NRXN3: variants seen among roughly 807,000 people sequenced by gnomAD.
The protein encoded by NRXN3 is neurexin 3, also known as neurexin III.
Under a neutral mutation model 137.6 loss-of-function variants are expected in NRXN3, and 32 were observed. The observed-to-expected ratio is 0.23, with a 90% confidence interval of 0.18 to 0.31. The LOEUF (loss-of-function observed/expected upper bound fraction) is 0.31. Ranked by LOEUF, NRXN3 falls within the 10% of genes least tolerant of loss-of-function variation. The pLI, the probability that NRXN3 is intolerant of heterozygous loss-of-function variation, is 1.00. For synonymous variants in NRXN3, 798 were observed against 784.5 expected (o/e 1.02, Z -0.29); for missense variants, 1,574 against 2,062.5 (o/e 0.76, Z 4.59).
chr14:79,630,699 A>C (rs192213878), intron 16 of NRXN3, among the ~76,000 whole-genome samples: 5 of 152,240 alleles, frequency 3.3e-5, no homozygotes, highest in Admixed American at 3.3e-4. Context: ...TGCATCATCC[A>C]CTGATTCTCA....
rs2099416564 is a variant in NRXN3 at position 79,863,938 on chromosome 14, C to CT, written c.*1977dup. The CT allele has an allele frequency of 6.6e-6, 1 of 152,402 alleles. No individual in the cohort carries two copies. The highest frequency in any genetic ancestry group is 2.1e-4 in the South Asian group (1 of 4,824). The allele number at this position is 152,402 out of a possible 1,614,324, so 9.4% of individuals were successfully genotyped here. A position where few individuals can be genotyped will look rare whatever the true frequency, so the allele number is the denominator to read the frequency against. On this transcript the variant is annotated 3_prime_UTR_variant, in exon 21 of 21. Transcript: ENST00000335750. ...CAAAAAGTGCAATCTAAATGGTAGC[C>CT]TTTACTAATGTGTGTGGAAAGAGGT... is the stretch of plus-strand genomic sequence containing the variant.
chr14:79,828,157 T>C (rs1030552500), intron 20 of NRXN3, among the ~76,000 whole-genome samples: 3 of 152,098 alleles, frequency 2.0e-5, no homozygotes, highest in Admixed American at 2.0e-4. Flanking sequence ...TTCCAAACTA[T>C]ATCAGGAATT....
chr14:78,819,174 T>C (rs905452481), intron 10 of NRXN3, among the ~76,000 whole-genome samples: 1 of 152,128 alleles, frequency 6.6e-6, no homozygotes, highest in Non-Finnish European at 1.5e-5. Flanking sequence ...ACTATTTCTG[T>C]TTTCCTTCTA....
chr14:79,307,762 CTCTT>C lies in NRXN3; in HGVS notation c.3263-159455_3263-159452del, dbSNP rs373140712. On this transcript the variant is annotated intron_variant, in intron 15 of 20. Transcript: ENST00000335750. ...CTTCACATGAGGTTTCATTTCACCT[CTCTT>C]TCTCTCTCTCTCTCTTTCTCTCTTT... Among the ~76,000 whole-genome samples, 26 of 152,164 alleles carry C rather than the reference CTCTT, an allele frequency of 1.7e-4. No individual in the cohort carries two copies. In the East Asian group the frequency reaches 4.8e-3, roughly 28 times the overall value.
chr14:79,416,283 C>T (rs1357104545), intron 15 of NRXN3, among the ~76,000 whole-genome samples: 2 of 152,026 alleles, frequency 1.3e-5, no homozygotes, highest in African/African-American at 4.8e-5. Context: ...TTCACTGTCC[C>T]GTTCATTCTT....
chr14:78,312,532 T>C (rs1484042234), intron 4 of NRXN3, among the ~76,000 whole-genome samples: 1 of 152,176 alleles, frequency 6.6e-6, no homozygotes, highest in Admixed American at 6.5e-5. Flanking sequence ...CTTCCTTTCT[T>C]CCTTTAAAAT....
intron 15 of NRXN3, among the ~76,000 whole-genome samples, chr14:78,989,449 A>G (rs986009093): frequency 6.6e-6 from 1 of 152,152 alleles, no homozygotes; most frequent in Non-Finnish European, 1.5e-5. Context: ...CAATATAGAG[A>G]GAAAATTATG....
chr14:79,100,273 G>A (rs1388694296), intron 15 of NRXN3, among the ~76,000 whole-genome samples: 2 of 152,310 alleles, frequency 1.3e-5, no homozygotes, highest in African/African-American at 4.8e-5. Context: ...ACCTACACAT[G>A]TTCACATCTA....
chr14:79,022,343 C>CT (rs1473585014), intron 15 of NRXN3, among the ~76,000 whole-genome samples: 2 of 151,966 alleles, frequency 1.3e-5, no homozygotes. Flanking sequence ...CTTCCCAATT[C>CT]TTTTTTTTAA....
At chr14:79,617,427 T>G (rs1461067273) in intron 16 of NRXN3, among the ~76,000 whole-genome samples, 42 of 151,534 alleles carry the variant, frequency 2.8e-4, no homozygotes. Context: ...AGCTAATTCA[T>G]TTTGCATTCT....
intron 3 of NRXN3, among the ~76,000 whole-genome samples, chr14:78,285,673 A>G (rs2075074450): frequency 6.6e-6 from 1 of 152,198 alleles, no homozygotes; most frequent in South Asian, 2.1e-4. Context: ...TCCTGAATGA[A>G]TCAACAGTGC....
intron 4 of NRXN3, among the ~76,000 whole-genome samples, chr14:78,395,861 A>G (rs1335525512): frequency 6.6e-6 from 1 of 151,642 alleles, no homozygotes; most frequent in Non-Finnish European, 1.5e-5. Context: ...TCTTATTTTC[A>G]TCCTGTCTGT....
chr14:79,788,051 A>G (rs144879752), intron 19 of NRXN3, among the ~76,000 whole-genome samples: 2 of 152,308 alleles, frequency 1.3e-5, no homozygotes, highest in Admixed American at 1.3e-4. Flanking sequence ...TGGACTTCAC[A>G]GCTCCACATG....
At chr14:79,743,764 C>G (rs1185088457) in intron 19 of NRXN3, among the ~76,000 whole-genome samples, 1 of 152,064 alleles carries the variant, frequency 6.6e-6, no homozygotes, top group Non-Finnish European at 1.5e-5. Flanking sequence ...TACAAGTGTA[C>G]AGGAGTCAAG....
At chr14:79,520,570 G>A (rs1342328211) in intron 16 of NRXN3, among the ~76,000 whole-genome samples, 1 of 152,184 alleles carries the variant, frequency 6.6e-6, no homozygotes, top group African/African-American at 2.4e-5. Flanking sequence ...TTAGTTTGCT[G>A]AGAATGATGG....
At chr14:79,225,826 G>GT (rs923924743) in intron 15 of NRXN3, among the ~76,000 whole-genome samples, 3 of 152,042 alleles carry the variant, frequency 2.0e-5, no homozygotes, top group Non-Finnish European at 2.9e-5. Flanking sequence ...GAGATCTGGG[G>GT]TTTTTTTGCT....
chr14:78,776,996 T>G (rs1487808083), intron 8 of NRXN3, among the ~76,000 whole-genome samples: 2 of 152,342 alleles, frequency 1.3e-5, no homozygotes, highest in East Asian at 3.9e-4. Context: ...ACCACTGGTC[T>G]ATTGTAAGGC....
At chr14:78,184,795 C>A (rs1206913723) in intron 1 of NRXN3, among the ~76,000 whole-genome samples, 1 of 152,136 alleles carries the variant, frequency 6.6e-6, no homozygotes, top group African/African-American at 2.4e-5. Flanking sequence ...GTGTCTGGAG[C>A]CTGGGGAGCT....
chr14:78,434,082 T>C (rs1321782392), intron 4 of NRXN3, among the ~76,000 whole-genome samples: 1 of 152,160 alleles, frequency 6.6e-6, no homozygotes, highest in Admixed American at 6.5e-5. Context: ...ATAAGGCAAA[T>C]CCTGTTTTAC....
Sources: allele counts gnomAD v4.1 joint callset (sites outside exome capture counted in the v4.1 genomes callset), GRCh38; gene constraint gnomAD v4.1.1; transcripts MANE v1.5; gene names NCBI Gene and HGNC (gene_info 2026-07-23, HGNC 2026-07-21).